Variants in AGBL4 observed in about 807,000 individuals in gnomAD.
The protein encoded by AGBL4 is AGBL carboxypeptidase 4, also known as cytosolic carboxypeptidase 6.
In AGBL4, 58 loss-of-function variants were observed where a neutral mutation model predicts 66.4. That is an observed-to-expected ratio of 0.87 (90% CI 0.71 to 1.09). AGBL4 has a LOEUF of 1.09. Ranked by LOEUF, AGBL4 falls within the 50% of genes least tolerant of loss-of-function variation. The probability of loss-of-function intolerance (pLI) is 0.00; values close to 1 mark genes in which losing one functional copy is unlikely to be tolerated. For synonymous variants in AGBL4, 234 were observed against 222.9 expected (o/e 1.05, Z -0.44); for missense variants, 579 against 631.0 (o/e 0.92, Z 0.88).
chr1:48,765,677 A>G (rs1385280413), intron 6 of AGBL4, among the ~76,000 whole-genome samples: 1 of 152,236 alleles, frequency 6.6e-6, no homozygotes, highest in East Asian at 1.9e-4. Context: ...ACTGTCCATC[A>G]ACTTATGAAT....
intron 5 of AGBL4, among the ~76,000 whole-genome samples, chr1:48,896,476 T>C (rs548642983): frequency 3.3e-5 from 5 of 152,366 alleles, no homozygotes; most frequent in African/African-American, 1.2e-4. Flanking sequence ...GTAGCTTAAT[T>C]ATAATCTTAT....
chr1:49,168,462 G>A (rs1391473221), intron 4 of AGBL4, among the ~76,000 whole-genome samples: 1 of 152,106 alleles, frequency 6.6e-6, no homozygotes, highest in African/African-American at 2.4e-5. Context: ...AGATCACCTG[G>A]CACCAACCAC....
chr1:49,342,982 G>C (rs1401397878), intron 3 of AGBL4, among the ~76,000 whole-genome samples: 1 of 152,076 alleles, frequency 6.6e-6, no homozygotes, highest in Non-Finnish European at 1.5e-5. Context: ...ACTGGAGTCT[G>C]GTAATAAGAG....
intron 11 of AGBL4, among the ~76,000 whole-genome samples, chr1:48,563,661 C>A (rs888145943): frequency 1.3e-5 from 2 of 152,160 alleles, no homozygotes; most frequent in Admixed American, 1.3e-4. Context: ...GATAGATAGA[C>A]AGACAATCAG....
intron 4 of AGBL4, among the ~76,000 whole-genome samples, chr1:49,205,933 T>C (rs1648095828): frequency 1.3e-5 from 2 of 152,120 alleles, no homozygotes; most frequent in South Asian, 4.1e-4. Flanking sequence ...TCTAGGTTTC[T>C]CCTAATCTTT....
At chr1:49,564,315 G>A (rs564975274) in intron 3 of AGBL4, among the ~76,000 whole-genome samples, 1 of 152,158 alleles carries the variant, frequency 6.6e-6, no homozygotes, top group South Asian at 2.1e-4. Flanking sequence ...CTTCAGTTCT[G>A]CTCTGATTTT....
chr1:49,240,092 G>T, intron 4 of AGBL4, among the ~76,000 whole-genome samples: 1 of 151,752 alleles, frequency 6.6e-6, no homozygotes, highest in East Asian at 1.9e-4. Flanking sequence ...TTTCAGAAAA[G>T]ACACCACTAA....
intron 3 of AGBL4, among the ~76,000 whole-genome samples, chr1:49,678,171 A>T (rs1415921592): frequency 6.6e-6 from 1 of 152,116 alleles, no homozygotes; most frequent in East Asian, 1.9e-4. Flanking sequence ...TATATATTTC[A>T]TGTTTTGTAA....
intron 3 of AGBL4, among the ~76,000 whole-genome samples, chr1:49,293,115 G>A (rs1422701118): frequency 6.6e-6 from 1 of 152,208 alleles, no homozygotes; most frequent in Non-Finnish European, 1.5e-5. Flanking sequence ...ATTTCCTGGT[G>A]CCAGCCATGG....
At chr1:48,931,946 A>G (rs967067175) in intron 5 of AGBL4, among the ~76,000 whole-genome samples, 1 of 152,066 alleles carries the variant, frequency 6.6e-6, no homozygotes, top group Non-Finnish European at 1.5e-5. Context: ...TTCTCCCTGC[A>G]TGCAAAATCA....
At chr1:49,331,602 AGCCTGGCCTCCAGCCACCCG>A (rs1345327068) in intron 3 of AGBL4, among the ~76,000 whole-genome samples, 1 of 152,182 alleles carries the variant, frequency 6.6e-6, no homozygotes, top group South Asian at 2.1e-4. Context: ...GGGGCCTCCC[AGCCTGGCCTCCAGCCACCCG>A]GCCTGTATTC....
intron 4 of AGBL4, among the ~76,000 whole-genome samples, chr1:49,098,337 T>A (rs1645143675): frequency 6.6e-6 from 1 of 152,234 alleles, no homozygotes; most frequent in African/African-American, 2.4e-5. Context: ...GATGTAGTTA[T>A]GTCCCAGCCC....
At chr1:49,209,410 G>A (rs933994200) in intron 4 of AGBL4, among the ~76,000 whole-genome samples, 1 of 152,044 alleles carries the variant, frequency 6.6e-6, no homozygotes, top group African/African-American at 2.4e-5. Context: ...CCCAGATATA[G>A]ATAACACAGT....
At chr1:49,234,441 T>C (rs977866492) in intron 4 of AGBL4, among the ~76,000 whole-genome samples, 1 of 152,106 alleles carries the variant, frequency 6.6e-6, no homozygotes, top group Non-Finnish European at 1.5e-5. Context: ...AAAGGAGAAG[T>C]GAACTTGAGA....
At chr1:49,712,500 A>T (rs1257882003) in intron 2 of AGBL4, among the ~76,000 whole-genome samples, 1 of 151,828 alleles carries the variant, frequency 6.6e-6, no homozygotes, top group African/African-American at 2.4e-5. Context: ...AAAAAGTTGC[A>T]GTTATGTAGG....
intron 1 of AGBL4, among the ~76,000 whole-genome samples, chr1:50,001,586 G>T (rs78627746): frequency 6.6e-6 from 1 of 151,648 alleles, no homozygotes; most frequent in Non-Finnish European, 1.5e-5. Flanking sequence ...TAGGAGCTAC[G>T]CAAGTAAAAC....
chr1:49,700,334 G>C (rs989899608), intron 2 of AGBL4, among the ~76,000 whole-genome samples: 10 of 150,614 alleles, frequency 6.6e-5, no homozygotes, highest in African/African-American at 2.4e-4. Context: ...TAGATAGATA[G>C]ATAGATAGAC....
intron 2 of AGBL4, among the ~76,000 whole-genome samples, chr1:49,772,512 C>T (rs996189565): frequency 3.3e-5 from 5 of 152,012 alleles, no homozygotes; most frequent in East Asian, 3.9e-4. Context: ...TTTTGTTTTG[C>T]GTAGCCCTAC....
At chr1:49,779,448 T>C (rs1389668362) in intron 2 of AGBL4, among the ~76,000 whole-genome samples, 2 of 152,126 alleles carry the variant, frequency 1.3e-5, no homozygotes, top group East Asian at 3.9e-4. Context: ...TGTGTTTCAT[T>C]GCTGAGGAGC....
Sources: allele counts gnomAD v4.1 joint callset (sites outside exome capture counted in the v4.1 genomes callset), GRCh38; gene constraint gnomAD v4.1.1; transcripts MANE v1.5; gene names NCBI Gene and HGNC (gene_info 2026-07-23, HGNC 2026-07-21).